Variants in BBS9 observed in about 807,000 individuals in gnomAD.
The protein encoded by BBS9 is Bardet-Biedl syndrome 9, also known as protein PTHB1.
BBS9 carries 89 observed loss-of-function variants against 117.7 expected under a neutral mutation model. The observed-to-expected ratio is 0.76, with a 90% CI of 0.64 to 0.90. The LOEUF is 0.90. Ranked by LOEUF, BBS9 falls within the 40% of genes least tolerant of loss-of-function variation. The probability of loss-of-function intolerance (pLI) is 0.00; values close to 1 mark genes in which losing one functional copy is unlikely to be tolerated. For synonymous variants in BBS9, 379 were observed against 370.9 expected (o/e 1.02, Z -0.25); for missense variants, 982 against 1,042.2 (o/e 0.94, Z 0.80).
intron 9 of BBS9, among the ~76,000 whole-genome samples, chr7:33,293,160 G>A (rs969913335): frequency 2.0e-5 from 3 of 151,810 alleles, no homozygotes; most frequent in Non-Finnish European, 4.4e-5. Context: ...AATGGACCAT[G>A]TCAACATTTC....
At chr7:33,410,927 C>T (rs1831007455) in intron 19 of BBS9, among the ~76,000 whole-genome samples, 1 of 150,038 alleles carries the variant, frequency 6.7e-6, no homozygotes, top group South Asian at 2.1e-4. Context: ...TTTTTGCTTT[C>T]TCACCTCTTA....
At chr7:33,459,793 C>T (rs546814002) in intron 19 of BBS9, among the ~76,000 whole-genome samples, 41 of 152,220 alleles carry the variant, frequency 2.7e-4, no homozygotes, top group South Asian at 8.3e-4. Flanking sequence ...GTTTTTTAAA[C>T]TCCAAAATCT....
chr7:33,314,398 C>T, intron 9 of BBS9: 2 of 296,414 alleles, frequency 6.7e-6, no homozygotes. Context: ...TAGATTAGAG[C>T]TATTATTTGC....
intron 5 of BBS9, among the ~76,000 whole-genome samples, chr7:33,203,915 G>T (rs1399488465): frequency 6.7e-6 from 1 of 150,262 alleles, no homozygotes; most frequent in East Asian, 2.0e-4. Flanking sequence ...TAGAGACGGG[G>T]TTTCACCATA....
intron 21 of BBS9, among the ~76,000 whole-genome samples, chr7:33,623,266 A>C (rs573379497): frequency 1.3e-5 from 2 of 152,130 alleles, no homozygotes; most frequent in African/African-American, 4.8e-5. Flanking sequence ...ATAAACAATT[A>C]ATATGCTAAA....
intron 9 of BBS9, among the ~76,000 whole-genome samples, chr7:33,329,951 T>C (rs1214468501): frequency 6.6e-6 from 1 of 152,210 alleles, no homozygotes; most frequent in Non-Finnish European, 1.5e-5. Context: ...CCTTTTTCTG[T>C]TGGGTATAGT....
intron 16 of BBS9, among the ~76,000 whole-genome samples, chr7:33,363,684 A>G (rs1584497763): frequency 7.2e-6 from 1 of 139,020 alleles, no homozygotes; most frequent in Admixed American, 7.2e-5. Flanking sequence ...TATTTTTTAG[A>G]TTTTTTTTTT....
chr7:33,223,300 A>T (rs6462464), intron 5 of BBS9, among the ~76,000 whole-genome samples: 125,407 of 152,070 alleles, frequency 0.82, 51,732 homozygotes, highest in Admixed American at 0.86. Context: ...ATCACTCTTT[A>T]GTGATGAGTA....
At chr7:33,610,674 A>G (rs1447585718), downstream of BBS9, among the ~76,000 whole-genome samples, 1 of 152,142 alleles carries the variant, frequency 6.6e-6, no homozygotes, top group Non-Finnish European at 1.5e-5. Context: ...TTTGGAGGGA[A>G]CAAACATTCA....
At chr7:33,440,948 A>T (rs1020974832) in intron 19 of BBS9, among the ~76,000 whole-genome samples, 1 of 152,210 alleles carries the variant, frequency 6.6e-6, no homozygotes, top group Non-Finnish European at 1.5e-5. Context: ...TTGAAGGGTG[A>T]TAGAAATATT....
At chr7:33,624,490 A>G (rs887263977) in intron 21 of BBS9, among the ~76,000 whole-genome samples, 5 of 152,046 alleles carry the variant, frequency 3.3e-5, no homozygotes, top group Non-Finnish European at 5.9e-5. Context: ...GTTGAGATCT[A>G]TTTCTCCTCT....
At chr7:33,292,789 C>T (rs572396603) in intron 9 of BBS9, among the ~76,000 whole-genome samples, 18 of 152,140 alleles carry the variant, frequency 1.2e-4, no homozygotes, top group African/African-American at 2.9e-4. Flanking sequence ...AGGTGGATCA[C>T]GAGATCAGGA....
intron 5 of BBS9, among the ~76,000 whole-genome samples, chr7:33,214,827 C>T (rs1013596703): frequency 2.6e-5 from 4 of 152,252 alleles, no homozygotes; most frequent in African/African-American, 9.6e-5. Context: ...TATTATTCTT[C>T]GTGGAGATAG....
chr7:33,468,701 C>T (rs1314340584), intron 19 of BBS9, among the ~76,000 whole-genome samples: 1 of 152,174 alleles, frequency 6.6e-6, no homozygotes, highest in Non-Finnish European at 1.5e-5. Flanking sequence ...CATCATTCTA[C>T]TCTCTACCTC....
intron 7 of BBS9, among the ~76,000 whole-genome samples, chr7:33,265,704 A>G (rs1486772460): frequency 2.0e-5 from 3 of 152,016 alleles, no homozygotes; most frequent in South Asian, 4.1e-4. Context: ...TTAGCTGGGC[A>G]TGGTGGCCCA....
rs191992032 is a variant in BBS9, at chr7:33,390,697, C to A, written c.2115+2553C>A. On this transcript the variant is annotated intron_variant, in intron 19 of 22. Transcript: ENST00000242067. ...ATACTTAACACATGAATATAATTTC[C>A]CAAAGAAAATTATAACATTATACGT... The A allele has an allele frequency of 3.2e-3, 2,442 of 773,990 alleles. 4 individuals carry two copies. The highest frequency in any genetic ancestry group is 3.6e-3 in the Non-Finnish European group (2,288 of 637,028). The allele number at this position is 773,990 out of a possible 1,614,324, so 47.9% of individuals were successfully genotyped here.
At chr7:33,542,790 TACACACACACACACACACACACACACAC>T (rs368494839) in intron 21 of BBS9, among the ~76,000 whole-genome samples, 4 of 134,324 alleles carry the variant, frequency 3.0e-5, no homozygotes, top group East Asian at 2.3e-4. Context: ...TATATATATG[TACACACACACACACACACACACACACAC>T]ACACACACAC....
intron 4 of BBS9, among the ~76,000 whole-genome samples, chr7:33,171,209 C>T (rs1338052419): frequency 1.3e-5 from 2 of 152,072 alleles, no homozygotes; most frequent in African/African-American, 2.4e-5. Flanking sequence ...AACTATACTA[C>T]AAGGCTACAG....
At chr7:33,209,991 G>A (rs2392230) in intron 5 of BBS9, among the ~76,000 whole-genome samples, 125,483 of 152,112 alleles carry the variant, frequency 0.82, 51,778 homozygotes, top group Admixed American at 0.86. Context: ...TAGGTTGTTT[G>A]TTTGCAGTTT....
Sources: allele counts gnomAD v4.1 joint callset (sites outside exome capture counted in the v4.1 genomes callset), GRCh38; gene constraint gnomAD v4.1.1; transcripts MANE v1.5; gene names NCBI Gene and HGNC (gene_info 2026-07-23, HGNC 2026-07-21).